NELL2: variants seen among roughly 807,000 people sequenced by gnomAD.
NELL2 encodes the protein protein kinase C-binding protein NELL2.
In NELL2, 41 loss-of-function variants were observed where a neutral mutation model predicts 109.6. The ratio of observed to expected loss-of-function variants is 0.37; its 90% CI spans 0.29 to 0.49. The LOEUF (loss-of-function observed/expected upper bound fraction) is 0.49. Ranked by LOEUF, NELL2 falls within the 20% of genes least tolerant of loss-of-function variation. The pLI, the probability that NELL2 is intolerant of heterozygous loss-of-function variation, is 0.98. For missense variants in NELL2, 900 were observed against 1,008.3 expected, an observed-to-expected ratio of 0.89 and a Z score of 1.45; for synonymous variants, 355 against 344.7, an observed-to-expected ratio of 1.03 and a Z score of -0.33.
intron 13 of NELL2, among the ~76,000 whole-genome samples, chr12:44,631,951 G>A (rs962955469): frequency 6.6e-6 from 1 of 151,936 alleles, no homozygotes; most frequent in Non-Finnish European, 1.5e-5. Flanking sequence ...CAAATTTAAC[G>A]GTATATAAAA....
In NELL2 at chr12:44,607,243, C is replaced by T. The variant is rs1263581967; in HGVS notation, c.1589G>A (p.Arg530Lys). 3.7e-6 allele frequency: 6 copies of T among 1,612,268 alleles called. No individual in the cohort carries two copies. The highest frequency in any genetic ancestry group is 1.1e-5 in the South Asian group (1 of 90,878). The change falls in exon 15 of 20, where the codon AGG becomes AAG. Residue 530 changes from arginine (R) to lysine (K), a missense_variant. By Grantham distance (26) the Arg-to-Lys change is conservative. This residue lies in a region of NELL2 where 333 missense variants were observed against 432.3 expected (regional missense o/e 0.77). Transcript: ENST00000429094. ...TCKAFCKDGCRNGGACIAANV... is the reference protein window; with the variant it reads ...TCKAFCKDGCKNGGACIAANV... The stretch of plus-strand genomic sequence containing the variant: ...AGCGGCAATACAGGCTCCTCCATTC[C>T]TACAGCCATCTTTGCAAAATGCTAA...
At chr12:44,832,437 C>T (rs1943917412) in intron 2 of NELL2, among the ~76,000 whole-genome samples, 1 of 152,202 alleles carries the variant, frequency 6.6e-6, no homozygotes, top group Admixed American at 6.5e-5. Flanking sequence ...CCTTTCTTCT[C>T]TCATTGTGTG....
intron 3 of NELL2, among the ~76,000 whole-genome samples, chr12:44,812,404 A>G (rs1024716032): frequency 2.6e-5 from 4 of 152,176 alleles, no homozygotes; most frequent in Admixed American, 2.6e-4. Context: ...TACCTTGACC[A>G]CAAAAGGCCA....
chr12:44,911,066 C>T (rs1045571635), intron 1 of NELL2, among the ~76,000 whole-genome samples: 1 of 151,910 alleles, frequency 6.6e-6, no homozygotes, highest in African/African-American at 2.4e-5. Context: ...ACCTAAGTGA[C>T]AGGATCATGC....
intron 3 of NELL2, among the ~76,000 whole-genome samples, chr12:44,785,667 G>A (rs994285914): frequency 4.6e-5 from 7 of 152,242 alleles, no homozygotes; most frequent in South Asian, 4.1e-4. Context: ...CATGGTACTG[G>A]TACCAAAACA....
intron 12 of NELL2, among the ~76,000 whole-genome samples, chr12:44,679,596 T>G (rs1948429722): frequency 6.6e-6 from 1 of 152,128 alleles, no homozygotes; most frequent in Non-Finnish European, 1.5e-5. Context: ...TTTGTGAAGT[T>G]GAGACGTTTC....
chr12:44,571,676 A>G (rs1943876291), intron 15 of NELL2, among the ~76,000 whole-genome samples: 1 of 152,252 alleles, frequency 6.6e-6, no homozygotes, highest in African/African-American at 2.4e-5. Context: ...TTATTGAAAC[A>G]CCAAAATGAG....
At chr12:44,649,204 C>T (rs1947215999) in intron 13 of NELL2, among the ~76,000 whole-genome samples, 1 of 151,928 alleles carries the variant, frequency 6.6e-6, no homozygotes, top group Non-Finnish European at 1.5e-5. Context: ...CTCTCTTCCT[C>T]CTTCCCTCCC....
intron 3 of NELL2, among the ~76,000 whole-genome samples, chr12:44,793,955 C>CT (rs1942525577): frequency 6.6e-6 from 1 of 152,188 alleles, no homozygotes; most frequent in Non-Finnish European, 1.5e-5. Flanking sequence ...ACTGGGCATA[C>CT]TTTGATCAAT....
chr12:44,876,621 C>T (rs950894494), upstream of NELL2: 15 of 1,550,728 alleles, frequency 9.7e-6, no homozygotes, highest in Non-Finnish European at 1.3e-5. Flanking sequence ...CGATTTCGGG[C>T]GCGTGTCTTG....
intron 11 of NELL2, among the ~76,000 whole-genome samples, chr12:44,708,001 G>A (rs1937979084): frequency 6.6e-6 from 1 of 152,080 alleles, no homozygotes; most frequent in South Asian, 2.1e-4. Context: ...AATAAATTAA[G>A]GAGGGCCATC....
intron 15 of NELL2, among the ~76,000 whole-genome samples, chr12:44,588,711 T>A (rs1442171506): frequency 6.6e-6 from 1 of 152,242 alleles, no homozygotes; most frequent in Admixed American, 6.5e-5. Flanking sequence ...TTAACCATAT[T>A]CAAAATTTTC....
intron 9 of NELL2, among the ~76,000 whole-genome samples, chr12:44,756,037 C>T (rs759282524): frequency 1.3e-5 from 2 of 152,146 alleles, no homozygotes; most frequent in Non-Finnish European, 2.9e-5. Context: ...TCTGCCTCTT[C>T]TCTCCAGTAA....
intron 15 of NELL2, among the ~76,000 whole-genome samples, chr12:44,562,637 G>T (rs1274396651): frequency 2.0e-5 from 3 of 152,212 alleles, no homozygotes; most frequent in Non-Finnish European, 4.4e-5. Context: ...ACACCAGTTA[G>T]AATGGCAATC....
chr12:44,604,690 T>G (rs1945333294), intron 15 of NELL2, among the ~76,000 whole-genome samples: 1 of 152,034 alleles, frequency 6.6e-6, no homozygotes, highest in Non-Finnish European at 1.5e-5. Flanking sequence ...AGGGTAAAGC[T>G]GGGTAGATAT....
chr12:44,777,072 T>C lies in NELL2; in HGVS notation c.732A>G (p.Leu244=). The C allele has an allele frequency of 2.5e-6, 4 of 1,614,064 alleles. No homozygotes were observed. The highest frequency in any genetic ancestry group is 3.4e-6 in the Non-Finnish European group (4 of 1,179,934). ...FHGLVQKIME[L]QDILAKTSAK... is the part of the protein sequence containing the mutation. ...CTGATGTTTTGGCTAAAATATCCTG[T>C]AGCTCCATGATTTTCTGCACAAGTC... Residue 244 remains leucine, a synonymous_variant, in exon 7 of 20, where the codon CTA becomes CTG. Transcript: ENST00000429094.
chr12:44,801,885 C>T (rs1254574505), intron 3 of NELL2, among the ~76,000 whole-genome samples: 3 of 152,004 alleles, frequency 2.0e-5, no homozygotes, highest in South Asian at 4.2e-4. Context: ...ATGTGCTGCA[C>T]CAGGCACAGA....
Position 44,610,988 on chromosome 12 carries a change from A to G in NELL2, c.1445-18T>C, listed in dbSNP as rs1345277921. The G allele has an allele frequency of 6.2e-7, 1 of 1,609,658 alleles. No individual in the cohort carries two copies. The highest frequency in any genetic ancestry group is 8.5e-7 in the Non-Finnish European group (1 of 1,176,878). On this transcript the variant is annotated intron_variant, in intron 13 of 19. Coordinates refer to ENST00000429094, the MANE Select transcript of NELL2 (RefSeq NM_001145108.2). ...ATCATGTTCTGAAATGAGGAATACA[A>G]TTTTGTTACTCAAAGTTATATTTCC...
intron 12 of NELL2, among the ~76,000 whole-genome samples, chr12:44,668,964 G>GT (rs1255320974): frequency 1.3e-5 from 2 of 151,928 alleles, no homozygotes; most frequent in East Asian, 3.9e-4. Flanking sequence ...GCCACTGCTG[G>GT]TGCCCATGAA....
Sources: allele counts gnomAD v4.1 joint callset (sites outside exome capture counted in the v4.1 genomes callset), GRCh38; gene constraint gnomAD v4.1.1; regional missense constraint gnomAD v4.1.1; transcripts MANE v1.5; gene names NCBI Gene and HGNC (gene_info 2026-07-23, HGNC 2026-07-21).